The following CNTN5 variants were observed in gnomAD, a reference collection of about 807,000 sequenced individuals.
CNTN5 encodes the protein contactin-5.
In CNTN5, 77 loss-of-function variants were observed where a neutral mutation model predicts 129.1. The ratio of observed to expected loss-of-function variants is 0.60; its 90% CI spans 0.50 to 0.72. The LOEUF (loss-of-function observed/expected upper bound fraction) is 0.72. Among genes scored for constraint, CNTN5 ranks in the 30% least tolerant of loss-of-function variants. CNTN5 has a pLI of 0.00. For synonymous variants in CNTN5, 509 were observed against 465.6 expected, an observed-to-expected ratio of 1.09 and a Z score of -1.20; for missense variants, 1,478 against 1,328.8, an observed-to-expected ratio of 1.11 and a Z score of -1.75.
At chr11:100,136,293 C>A (rs1270647182) in intron 13 of CNTN5, among the ~76,000 whole-genome samples, 3 of 152,018 alleles carry the variant, frequency 2.0e-5, no homozygotes, top group African/African-American at 7.2e-5. Context: ...AATAAAATTT[C>A]TTCATATATC....
intron 3 of CNTN5, among the ~76,000 whole-genome samples, chr11:99,735,065 TAAG>T (rs1943659021): frequency 1.3e-5 from 2 of 152,314 alleles, no homozygotes; most frequent in South Asian, 2.1e-4. Flanking sequence ...GAAAGTGAAT[TAAG>T]AAGTCAACAT....
At chr11:99,453,233 T>C (rs1944376214) in intron 2 of CNTN5, among the ~76,000 whole-genome samples, 1 of 152,190 alleles carries the variant, frequency 6.6e-6, no homozygotes, top group Non-Finnish European at 1.5e-5. Context: ...ACATAGTAGT[T>C]AGAGAGAAGC....
At chr11:100,003,284 G>A (rs2137481959) in intron 9 of CNTN5, among the ~76,000 whole-genome samples, 1 of 152,184 alleles carries the variant, frequency 6.6e-6, no homozygotes, top group Non-Finnish European at 1.5e-5. Flanking sequence ...GTATCTAGGA[G>A]GTATTTGGGC....
At chr11:99,066,192 C>T (rs1865095762) in intron 1 of CNTN5, among the ~76,000 whole-genome samples, 1 of 152,156 alleles carries the variant, frequency 6.6e-6, no homozygotes, top group East Asian at 1.9e-4. Flanking sequence ...CAACCTTCGC[C>T]TCCTGGGTTC....
intron 3 of CNTN5, among the ~76,000 whole-genome samples, chr11:99,573,140 G>A (rs1013318704): frequency 6.6e-6 from 1 of 151,452 alleles, no homozygotes; most frequent in African/African-American, 2.4e-5. Flanking sequence ...TTGCCAAGAA[G>A]CTACTCTGTT....
At chr11:99,272,838 G>A (rs1282997432) in intron 1 of CNTN5, among the ~76,000 whole-genome samples, 1 of 151,692 alleles carries the variant, frequency 6.6e-6, no homozygotes, top group Non-Finnish European at 1.5e-5. Flanking sequence ...ATTAGCAGAA[G>A]CATAAATATA....
At chr11:99,765,265 T>G (rs1199728820) in intron 3 of CNTN5, among the ~76,000 whole-genome samples, 1 of 151,918 alleles carries the variant, frequency 6.6e-6, no homozygotes, top group Non-Finnish European at 1.5e-5. Flanking sequence ...AGAAAAATAG[T>G]AAATATCACT....
At chr11:99,445,397 G>T (rs1282964779) in intron 2 of CNTN5, among the ~76,000 whole-genome samples, 1 of 152,058 alleles carries the variant, frequency 6.6e-6, no homozygotes, top group South Asian at 2.1e-4. Flanking sequence ...CACAATACTT[G>T]TTTAATAACA....
At chr11:99,664,786 ATATT>A (rs1477313265) in intron 3 of CNTN5, among the ~76,000 whole-genome samples, 29 of 152,322 alleles carry the variant, frequency 1.9e-4, no homozygotes, top group African/African-American at 6.5e-4. Flanking sequence ...ATTTGAAGAA[ATATT>A]TATTACTACT....
chr11:99,585,841 C>T (rs943215212), intron 3 of CNTN5, among the ~76,000 whole-genome samples: 3 of 152,084 alleles, frequency 2.0e-5, no homozygotes, highest in Non-Finnish European at 4.4e-5. Flanking sequence ...TGGACGATTG[C>T]AAACCACTGA....
intron 8 of CNTN5, among the ~76,000 whole-genome samples, chr11:99,974,987 A>G (rs1168405876): frequency 1.3e-5 from 2 of 152,234 alleles, no homozygotes; most frequent in East Asian, 3.8e-4. Flanking sequence ...ATGGTGATCA[A>G]ATAACTTGTA....
At chr11:99,285,985 G>A (rs534526784) in intron 1 of CNTN5, among the ~76,000 whole-genome samples, 2 of 143,318 alleles carry the variant, frequency 1.4e-5, no homozygotes, top group African/African-American at 5.1e-5. Flanking sequence ...TTGTAGCGAG[G>A]TGAGATTGCG....
chr11:99,915,828 TAAATAA>T (rs1286749135), intron 6 of CNTN5, among the ~76,000 whole-genome samples: 1 of 152,184 alleles, frequency 6.6e-6, no homozygotes. Context: ...GAATGGACTG[TAAATAA>T]AAATAAAGAG....
In CNTN5 at chr11:99,591,377, G is replaced by A. The variant is rs574939398; in HGVS notation, c.55+35108G>A. On this transcript the variant is annotated intron_variant, in intron 3 of 24. Coordinates refer to ENST00000524871, the MANE Select transcript of CNTN5 (RefSeq NM_014361.4). ...TTTTGAGACAGAATCTTGCTCTGTC[G>A]CCCAGGCTGGAGTGCAGTGGCGTGA... Among the ~76,000 whole-genome samples the A allele has an allele frequency of 1.6e-4, 19 of 122,156 alleles. No individual in the cohort carries two copies. The South Asian group carries it at 1.6e-3, about 10-fold the overall frequency. 80.1% of individuals were successfully genotyped at this position (122,156 alleles called of 152,430 possible).
At chr11:99,398,536 C>A (rs1185889644) in intron 2 of CNTN5, among the ~76,000 whole-genome samples, 1 of 151,918 alleles carries the variant, frequency 6.6e-6, no homozygotes, top group Admixed American at 6.6e-5. Context: ...TTCTCAAAAC[C>A]CCTGGGAATC....
At chr11:100,151,566 G>A (rs117724619) in intron 13 of CNTN5, among the ~76,000 whole-genome samples, 3 of 151,990 alleles carry the variant, frequency 2.0e-5, no homozygotes, top group Non-Finnish European at 2.9e-5. Flanking sequence ...CAAGCAACCC[G>A]GTACATCGAC....
At chr11:99,428,902 C>T (rs1373647576) in intron 2 of CNTN5, among the ~76,000 whole-genome samples, 2 of 151,946 alleles carry the variant, frequency 1.3e-5, no homozygotes, top group Non-Finnish European at 2.9e-5. Flanking sequence ...TTGCCAATAA[C>T]CCAGGATTTA....
chr11:100,284,339 C>A (rs1044846927), intron 18 of CNTN5, among the ~76,000 whole-genome samples: 1 of 152,188 alleles, frequency 6.6e-6, no homozygotes, highest in African/African-American at 2.4e-5. Flanking sequence ...CTGCCACCAT[C>A]TCCTATATTT....
intron 3 of CNTN5, among the ~76,000 whole-genome samples, chr11:99,724,287 A>G (rs1270903740): frequency 1.3e-5 from 2 of 152,048 alleles, no homozygotes; most frequent in African/African-American, 2.4e-5. Context: ...ACTCTTACCA[A>G]TGTCACACAT....
Sources: allele counts gnomAD v4.1 joint callset (sites outside exome capture counted in the v4.1 genomes callset), GRCh38; gene constraint gnomAD v4.1.1; transcripts MANE v1.5; gene names NCBI Gene and HGNC (gene_info 2026-07-23, HGNC 2026-07-21).